The following ANTXR1 variants were observed in gnomAD, a reference collection of about 807,000 sequenced individuals.
ANTXR1 encodes anthrax toxin receptor 1.
Under a neutral mutation model 78.1 loss-of-function variants are expected in ANTXR1, and 19 were observed. The ratio of observed to expected loss-of-function variants is 0.24; its 90% confidence interval spans 0.17 to 0.36. The LOEUF is 0.36. ANTXR1 is among the 10% of genes least tolerant of loss of function. ANTXR1 has a pLI of 1.00. For missense variants in ANTXR1, 518 were observed against 718.6 expected (o/e 0.72, Z 3.19); for synonymous variants, 273 against 260.5 (o/e 1.05, Z -0.46).
rs74263535 is a variant in ANTXR1, at chr2:69,026,297, A to G, written c.152+12646A>G. On this transcript the variant is annotated intron_variant, in intron 1 of 17. Transcript: ENST00000303714. Reference sequence around the variant, plus strand: ...GGTTCAAATCTCAGCCCTACCACATACTAGCTGTATGTCCTTGAGTAAGCT... The same window carrying G: ...GGTTCAAATCTCAGCCCTACCACATGCTAGCTGTATGTCCTTGAGTAAGCT... 1.2e-4 allele frequency among the ~76,000 whole-genome samples: 19 copies of G among 152,312 alleles called. No individual in the cohort carries two copies. The East Asian group carries it at 3.1e-3, about 25-fold the overall frequency.
chr2:69,118,118 G>A (rs1672211952), intron 10 of ANTXR1, among the ~76,000 whole-genome samples: 1 of 151,946 alleles, frequency 6.6e-6, no homozygotes, highest in Non-Finnish European at 1.5e-5. Context: ...GATCATCTAA[G>A]AATTACATTT....
chr2:69,101,904 C>T (rs1671633972), intron 9 of ANTXR1, among the ~76,000 whole-genome samples: 1 of 152,220 alleles, frequency 6.6e-6, no homozygotes, highest in Admixed American at 6.5e-5. Context: ...TATTCCCAAA[C>T]ATTTAGCCAA....
intron 17 of ANTXR1, among the ~76,000 whole-genome samples, chr2:69,230,605 C>G (rs973615496): frequency 6.6e-6 from 1 of 152,008 alleles, no homozygotes; most frequent in Admixed American, 6.6e-5. Context: ...TGTATGTAGC[C>G]TGACTTCAGA....
At chr2:69,218,206 T>C (rs1201051446) in intron 17 of ANTXR1, among the ~76,000 whole-genome samples, 1 of 152,184 alleles carries the variant, frequency 6.6e-6, no homozygotes, top group East Asian at 1.9e-4. Context: ...CATGCCTTTG[T>C]AGATTAAAAT....
intron 9 of ANTXR1, among the ~76,000 whole-genome samples, chr2:69,096,370 G>C (rs199884378): frequency 3.1e-5 from 2 of 64,742 alleles, no homozygotes; most frequent in Non-Finnish European, 5.8e-5. Context: ...GGGAGGAAGG[G>C]AGGAAGGAGG....
chr2:69,124,536 A>T (rs1255029250), intron 11 of ANTXR1, 29 bp from the exon 12 acceptor site: 8 of 1,609,598 alleles, frequency 5.0e-6, no homozygotes, highest in Non-Finnish European at 6.0e-6. Flanking sequence ...CGCCCTGCTG[A>T]GAGTCTGCTT....
In ANTXR1 at chr2:69,189,269, C is replaced by T. The variant is rs145339276; in HGVS notation, c.1354-4066C>T. 4.4e-3 allele frequency among the ~76,000 whole-genome samples: 674 copies of T among 152,296 alleles called. 5 individuals are homozygous for T. The highest frequency in any genetic ancestry group is 6.5e-3 in the Non-Finnish European group (442 of 68,018). ...AAGAGCCCAATGACAGCAGCTCACCCGGATCAAGCATGCCCTGCAAGTCGG... is the reference window on the plus strand; with the variant it reads ...AAGAGCCCAATGACAGCAGCTCACCTGGATCAAGCATGCCCTGCAAGTCGG... On this transcript the variant is annotated intron_variant, in intron 16 of 17. Coordinates refer to ENST00000303714, the MANE Select transcript of ANTXR1 (RefSeq NM_032208.3).
At chr2:69,118,853 G>A (rs1295294569) in intron 10 of ANTXR1, among the ~76,000 whole-genome samples, 1 of 152,130 alleles carries the variant, frequency 6.6e-6, no homozygotes, top group African/African-American at 2.4e-5. Context: ...TAGAGAGAGA[G>A]AGAAAAAAGT....
At chr2:69,192,192 A>G (rs933852478) in intron 16 of ANTXR1, among the ~76,000 whole-genome samples, 3 of 152,254 alleles carry the variant, frequency 2.0e-5, no homozygotes, top group Non-Finnish European at 4.4e-5. Flanking sequence ...ATGAATTACC[A>G]GAAACTTAAA....
intron 17 of ANTXR1, among the ~76,000 whole-genome samples, chr2:69,214,996 ACTCTG>A (rs1388621209): frequency 6.6e-6 from 1 of 152,014 alleles, no homozygotes; most frequent in African/African-American, 2.4e-5. Flanking sequence ...ATCCAAGATG[ACTCTG>A]CTCTGCACTT....
chr2:69,215,799 T>G (rs956723275), intron 17 of ANTXR1, among the ~76,000 whole-genome samples: 1 of 152,264 alleles, frequency 6.6e-6, no homozygotes, highest in Non-Finnish European at 1.5e-5. Flanking sequence ...GAGGCTCTAC[T>G]GACCCAGAGC....
At chr2:69,194,022 A>G (rs1373757786) in intron 17 of ANTXR1, among the ~76,000 whole-genome samples, 2 of 152,272 alleles carry the variant, frequency 1.3e-5, no homozygotes, top group African/African-American at 4.8e-5. Context: ...AGATAGAGCC[A>G]GGGGAGACCT....
intron 17 of ANTXR1, among the ~76,000 whole-genome samples, chr2:69,205,591 C>CTTT (rs768055915): frequency 9.3e-6 from 1 of 107,370 alleles, no homozygotes; most frequent in African/African-American, 3.4e-5. Flanking sequence ...TGAACCATGG[C>CTTT]TTTTTTTTTT....
intron 1 of ANTXR1, among the ~76,000 whole-genome samples, chr2:69,020,185 G>C (rs923485275): frequency 1.3e-5 from 2 of 152,044 alleles, no homozygotes; most frequent in Non-Finnish European, 2.9e-5. Flanking sequence ...ATTTTAAAGG[G>C]CATCAGAAAA....
intron 16 of ANTXR1, among the ~76,000 whole-genome samples, chr2:69,183,454 G>C (rs896882094): frequency 6.6e-6 from 1 of 151,940 alleles, no homozygotes; most frequent in African/African-American, 2.4e-5. Context: ...CCAGGCTGGA[G>C]TGCAGTTGTG....
chr2:69,079,840 A>G (rs777440103), intron 8 of ANTXR1, among the ~76,000 whole-genome samples: 3 of 152,060 alleles, frequency 2.0e-5, no homozygotes, highest in Non-Finnish European at 4.4e-5. Flanking sequence ...CGTGTGCCTA[A>G]CTCCAAGTGT....
chr2:69,067,444 C>A (rs1022691875), intron 3 of ANTXR1, among the ~76,000 whole-genome samples: 2 of 130,630 alleles, frequency 1.5e-5, no homozygotes, highest in Non-Finnish European at 3.1e-5. Context: ...CCCCAAGAAG[C>A]CTTTTTTTTT....
intron 1 of ANTXR1, among the ~76,000 whole-genome samples, chr2:69,028,468 T>TTATA (rs1671426268): frequency 6.6e-6 from 1 of 152,168 alleles, no homozygotes; most frequent in African/African-American, 2.4e-5. Context: ...AACTAAAATG[T>TTATA]TATACCTAGC....
chr2:69,072,617 G>A (rs1670601057), intron 5 of ANTXR1, among the ~76,000 whole-genome samples: 1 of 152,190 alleles, frequency 6.6e-6, no homozygotes, highest in Non-Finnish European at 1.5e-5. Flanking sequence ...TCAAGGGGTG[G>A]TGTATGTGGT....
Sources: gnomAD v4.1 joint callset for allele counts (sites outside exome capture counted in the v4.1 genomes callset) on GRCh38, gnomAD v4.1.1 for gene constraint, MANE v1.5 for transcripts, NCBI Gene and HGNC (gene_info 2026-07-23, HGNC 2026-07-21) for gene names.